Variants in CFAP299 observed in about 807,000 individuals in gnomAD.
CFAP299 encodes the protein cilia and flagella associated protein 299, also known as cilia- and flagella-associated protein 299.
In CFAP299, 21 loss-of-function variants were observed where a neutral mutation model predicts 27.0. The observed-to-expected ratio is 0.78, with a 90% confidence interval of 0.55 to 1.12. The LOEUF (loss-of-function observed/expected upper bound fraction) is 1.12. CFAP299 is among the 50% of genes most tolerant of loss of function. The pLI is 0.00. For synonymous variants in CFAP299, 104 were observed against 98.1 expected, an observed-to-expected ratio of 1.06 and a Z score of -0.36; for missense variants, 310 against 276.6, an observed-to-expected ratio of 1.12 and a Z score of -0.86.
intron 3 of CFAP299, among the ~76,000 whole-genome samples, chr4:80,657,998 G>A (rs1049907912): frequency 6.6e-6 from 1 of 152,048 alleles, no homozygotes; most frequent in Admixed American, 6.6e-5. Flanking sequence ...TAGCAATTGT[G>A]AATGGGAGTT....
At position 80,387,244 on chromosome 4, in the gene CFAP299, G is replaced by C. The variant is rs996464336; in HGVS notation, c.242+24360G>C. 1.0e-5 allele frequency: 16 copies of C among 1,576,876 alleles called. No homozygotes were observed. The African/African-American group carries it at 1.8e-4, about 17-fold the overall frequency. Reference sequence around the variant, plus strand: ...TCGGGGGTAAGTCCTTGTTGCAGAAGTGGCCGGGGTAGCTCAGCTCCTCCT... The same window carrying C: ...TCGGGGGTAAGTCCTTGTTGCAGAACTGGCCGGGGTAGCTCAGCTCCTCCT... On this transcript the variant is annotated intron_variant, in intron 2 of 5. Transcript: ENST00000358105.
chr4:80,902,472 A>G lies in CFAP299; in HGVS notation c.476+32337A>G, dbSNP rs1028407037. ...TATACATATATACATATATGTATATATGTATATATGTATATATACATATAT... is the reference window on the plus strand; with the variant it reads ...TATACATATATACATATATGTATATGTGTATATATGTATATATACATATAT... On this transcript the variant is annotated intron_variant, in intron 4 of 5. Transcript: ENST00000358105. 1.0e-4 allele frequency among the ~76,000 whole-genome samples: 12 copies of G among 117,214 alleles called. No individual in the cohort carries two copies. In the East Asian group the frequency reaches 2.4e-3, roughly 23 times the overall value. 76.9% of individuals were successfully genotyped at this position (117,214 alleles called of 152,430 possible). A position where few individuals can be genotyped will look rare whatever the true frequency, so the allele number is the denominator to read the frequency against.
chr4:80,472,898 ATTC>A (rs1216551571), intron 2 of CFAP299, among the ~76,000 whole-genome samples: 4 of 152,140 alleles, frequency 2.6e-5, no homozygotes, highest in African/African-American at 7.2e-5. Context: ...CTGAACACAC[ATTC>A]TTCTTCTTAA....
At chr4:80,576,538 A>T (rs1735876694) in intron 2 of CFAP299, among the ~76,000 whole-genome samples, 1 of 152,262 alleles carries the variant, frequency 6.6e-6, no homozygotes, top group African/African-American at 2.4e-5. Flanking sequence ...AATTTAAATT[A>T]TTTGGGACCA....
chr4:80,322,410 G>A, the CFAP299 span, among the ~76,000 whole-genome samples: 1 of 152,136 alleles, frequency 6.6e-6, no homozygotes, highest in Non-Finnish European at 1.5e-5. Flanking sequence ...TCCTGTATGT[G>A]TCTTCTTGGA....
intron 3 of CFAP299, among the ~76,000 whole-genome samples, chr4:80,666,166 A>G (rs1741134648): frequency 6.6e-6 from 1 of 152,104 alleles, no homozygotes; most frequent in South Asian, 2.1e-4. Flanking sequence ...TTCATCATTT[A>G]CGTTTTTGTC....
Position 80,743,778 on chromosome 4 carries a change from A to G in CFAP299, c.334-126215A>G, listed in dbSNP as rs185455574. Among the ~76,000 whole-genome samples, 3 of 152,308 alleles carry G rather than the reference A, an allele frequency of 2.0e-5. No individual in the cohort carries two copies. In the East Asian group the frequency reaches 5.8e-4, roughly 29 times the overall value. On this transcript the variant is annotated intron_variant, in intron 3 of 5. Transcript: ENST00000358105. ...CAGTAAACCACCATGGCACATGTAT[A>G]CCTGTGTAACAAACCTGCACATTCT... is the stretch of plus-strand genomic sequence containing the variant.
intron 3 of CFAP299, among the ~76,000 whole-genome samples, chr4:80,686,449 T>C (rs542861197): frequency 3.3e-5 from 5 of 152,348 alleles, no homozygotes; most frequent in African/African-American, 9.6e-5. Context: ...TACTTTCATA[T>C]GTGTTGCAAG....
At chr4:80,617,154 A>G (rs1044011391) in intron 3 of CFAP299, among the ~76,000 whole-genome samples, 1 of 152,190 alleles carries the variant, frequency 6.6e-6, no homozygotes, top group Admixed American at 6.5e-5. Context: ...CATTAAAGGA[A>G]TGGTAATTTA....
intron 4 of CFAP299, among the ~76,000 whole-genome samples, chr4:80,892,158 A>C (rs1405824193): frequency 6.6e-6 from 1 of 152,110 alleles, no homozygotes; most frequent in African/African-American, 2.4e-5. Flanking sequence ...ATAAAAACAA[A>C]CATATAGACC....
At chr4:80,392,975 T>C (rs1240834523) in intron 2 of CFAP299, among the ~76,000 whole-genome samples, 2 of 152,184 alleles carry the variant, frequency 1.3e-5, no homozygotes, top group Non-Finnish European at 2.9e-5. Flanking sequence ...ATTGTTATCA[T>C]AGGAGATGAC....
intron 5 of CFAP299, among the ~76,000 whole-genome samples, chr4:80,945,431 T>G (rs542176911): frequency 6.6e-6 from 1 of 152,370 alleles, no homozygotes; most frequent in African/African-American, 2.4e-5. Context: ...TTAAATATTT[T>G]AAAGACATGT....
intron 2 of CFAP299, among the ~76,000 whole-genome samples, chr4:80,565,954 ACT>A (rs1398671708): frequency 6.6e-6 from 1 of 151,886 alleles, no homozygotes; most frequent in Non-Finnish European, 1.5e-5. Context: ...GGGTCTCATC[ACT>A]CTTTGAAATC....
chr4:80,434,178 A>G (rs1433158987), intron 2 of CFAP299, among the ~76,000 whole-genome samples: 5 of 152,202 alleles, frequency 3.3e-5, no homozygotes, highest in Non-Finnish European at 1.5e-5. Context: ...AGTCAACTTA[A>G]TTCTTATTGT....
At chr4:80,353,813 T>C (rs1332661204) in intron 1 of CFAP299, among the ~76,000 whole-genome samples, 4 of 152,184 alleles carry the variant, frequency 2.6e-5, no homozygotes, top group African/African-American at 7.2e-5. Flanking sequence ...GAATTGAGTA[T>C]AAAGAAATGT....
At chr4:80,808,789 T>C (rs1728995060) in intron 3 of CFAP299, among the ~76,000 whole-genome samples, 2 of 152,134 alleles carry the variant, frequency 1.3e-5, no homozygotes, top group South Asian at 2.1e-4. Flanking sequence ...GCCACAATTA[T>C]AGGTTAGAGC....
intron 3 of CFAP299, among the ~76,000 whole-genome samples, chr4:80,661,009 T>G (rs535028215): frequency 2.0e-5 from 3 of 152,046 alleles, no homozygotes; most frequent in African/African-American, 4.8e-5. Context: ...CTAGGTTGGA[T>G]AGGAAAGTGC....
At chr4:80,519,197 T>TGTGTGTGTGTGC (rs1491303521) in intron 2 of CFAP299, among the ~76,000 whole-genome samples, 1 of 130,232 alleles carries the variant, frequency 7.7e-6, no homozygotes, top group East Asian at 3.0e-4. Flanking sequence ...TGTGTGTGTG[T>TGTGTGTGTGTGC]ATGTGTGTGT....
intron 2 of CFAP299, among the ~76,000 whole-genome samples, chr4:80,425,636 G>A (rs962964813): frequency 2.6e-5 from 4 of 152,188 alleles, no homozygotes; most frequent in African/African-American, 9.6e-5. Flanking sequence ...TCCCATGAAA[G>A]GGAAACTTGC....
Sources: gnomAD v4.1 joint callset for allele counts (sites outside exome capture counted in the v4.1 genomes callset) on GRCh38, gnomAD v4.1.1 for gene constraint, MANE v1.5 for transcripts, NCBI Gene and HGNC (gene_info 2026-07-23, HGNC 2026-07-21) for gene names.